Variants in CRTAC1 observed in about 807,000 individuals in gnomAD.
CRTAC1 encodes acidic secreted protein in cartilage.
In CRTAC1, 37 loss-of-function variants were observed where a neutral mutation model predicts 67.8. The ratio of observed to expected loss-of-function variants is 0.55; its 90% confidence interval spans 0.42 to 0.72. The LOEUF is 0.72. Among genes scored for constraint, CRTAC1 ranks in the 30% least tolerant of loss-of-function variants. The probability of loss-of-function intolerance (pLI) is 0.00; values close to 1 mark genes in which losing one functional copy is unlikely to be tolerated. For synonymous variants in CRTAC1, 348 were observed against 371.0 expected (o/e 0.94, Z 0.71); for missense variants, 780 against 931.6 (o/e 0.84, Z 2.12).
intron 2 of CRTAC1, among the ~76,000 whole-genome samples, chr10:97,936,567 C>T (rs968840367): frequency 4.6e-5 from 7 of 152,294 alleles, no homozygotes; most frequent in African/African-American, 1.2e-4. Context: ...ATTTTGCGCC[C>T]GGGCGCAGTG....
chr10:97,886,003 T>C (rs1005387072), intron 11 of CRTAC1, among the ~76,000 whole-genome samples: 10 of 152,212 alleles, frequency 6.6e-5, no homozygotes, highest in Non-Finnish European at 1.3e-4. Flanking sequence ...TACTATGGGG[T>C]GGACGGTAGT....
At chr10:97,964,150 T>TA (rs1418652281) in intron 2 of CRTAC1, among the ~76,000 whole-genome samples, 1 of 152,166 alleles carries the variant, frequency 6.6e-6, no homozygotes, top group African/African-American at 2.4e-5. Flanking sequence ...CAGAATGAGC[T>TA]ACTTGCTAAT....
At chr10:97,998,271 C>T (rs1469216505) in intron 2 of CRTAC1, among the ~76,000 whole-genome samples, 1 of 152,046 alleles carries the variant, frequency 6.6e-6, no homozygotes, top group Non-Finnish European at 1.5e-5. Context: ...CTGTTCCTGG[C>T]CAAGGAAAGA....
At chr10:98,019,026 G>A (rs375088275) in intron 1 of CRTAC1, among the ~76,000 whole-genome samples, 7 of 152,182 alleles carry the variant, frequency 4.6e-5, no homozygotes, top group African/African-American at 1.4e-4. Flanking sequence ...AGTACAGGGT[G>A]AGGGGTGCTG....
chr10:97,959,039 C>G (rs181708612), intron 2 of CRTAC1, among the ~76,000 whole-genome samples: 1 of 152,088 alleles, frequency 6.6e-6, no homozygotes, highest in Non-Finnish European at 1.5e-5. Context: ...AAAGAGCTGC[C>G]GGCCATTATG....
chr10:97,972,026 C>A (rs986687141), intron 2 of CRTAC1, among the ~76,000 whole-genome samples: 1 of 152,230 alleles, frequency 6.6e-6, no homozygotes, highest in East Asian at 1.9e-4. Context: ...GTCCCTCGCC[C>A]GGGAAACTTG....
intron 4 of CRTAC1, among the ~76,000 whole-genome samples, chr10:97,922,974 C>A (rs1271717936): frequency 1.3e-5 from 2 of 152,176 alleles, no homozygotes; most frequent in Admixed American, 1.3e-4. Context: ...CTGCTTTGGG[C>A]TCCCATGCAA....
chr10:97,997,987 T>C (rs2136680425), intron 2 of CRTAC1, among the ~76,000 whole-genome samples: 1 of 152,252 alleles, frequency 6.6e-6, no homozygotes, highest in East Asian at 1.9e-4. Context: ...GCTTTTTTTT[T>C]GAGACAGGGT....
At chr10:98,025,078 G>A (rs1843200665) in intron 1 of CRTAC1, among the ~76,000 whole-genome samples, 1 of 152,148 alleles carries the variant, frequency 6.6e-6, no homozygotes. Context: ...CTTGCTTGCA[G>A]TGTGATCCTG....
At chr10:97,950,250 G>C (rs867070109) in intron 2 of CRTAC1, among the ~76,000 whole-genome samples, 4,510 of 118,942 alleles carry the variant, frequency 0.038, 89 homozygotes, top group East Asian at 0.071. Context: ...CACACACAGA[G>C]AGAGAGAGAG....
chr10:97,900,730 C>G (rs780205665), intron 8 of CRTAC1, among the ~76,000 whole-genome samples: 115 of 114,126 alleles, frequency 1.0e-3, no homozygotes, highest in African/African-American at 3.5e-3. Flanking sequence ...AGTGATTGGA[C>G]CCCGTAGCCC....
At chr10:97,927,577 G>T (rs918327197) in intron 3 of CRTAC1, among the ~76,000 whole-genome samples, 5 of 152,170 alleles carry the variant, frequency 3.3e-5, no homozygotes, top group Middle Eastern at 3.2e-3. Flanking sequence ...CTGTGCTGTT[G>T]GCCTCTCCCC....
chr10:97,892,508 TC>T (rs1349242004), intron 11 of CRTAC1, among the ~76,000 whole-genome samples: 1 of 152,186 alleles, frequency 6.6e-6, no homozygotes, highest in Non-Finnish European at 1.5e-5. Context: ...GACCGTGGCG[TC>T]AGGGAGGTGG....
At chr10:97,875,323 T>C (rs1179983998) in intron 14 of CRTAC1, among the ~76,000 whole-genome samples, 2 of 152,270 alleles carry the variant, frequency 1.3e-5, no homozygotes, top group African/African-American at 2.4e-5. Context: ...TCTTGGCATA[T>C]GGCAGGCATT....
intron 11 of CRTAC1, among the ~76,000 whole-genome samples, chr10:97,886,546 A>G (rs889859751): frequency 2.6e-5 from 4 of 152,206 alleles, no homozygotes; most frequent in South Asian, 2.1e-4. Context: ...ATCAAGCAAG[A>G]AATTATTTCT....
chr10:97,941,368 T>G (rs2051173051), intron 2 of CRTAC1, among the ~76,000 whole-genome samples: 1 of 152,138 alleles, frequency 6.6e-6, no homozygotes, highest in Non-Finnish European at 1.5e-5. Context: ...GGGCATTCTC[T>G]TCTTTCTCTC....
chr10:97,968,189 G>A (rs988992452), intron 2 of CRTAC1, among the ~76,000 whole-genome samples: 5 of 152,340 alleles, frequency 3.3e-5, no homozygotes, highest in African/African-American at 1.2e-4. Context: ...GACATCTGAG[G>A]AAGTAATTCT....
intron 14 of CRTAC1, chr10:97,866,114 C>T (rs1398054164): frequency 5.7e-6 from 1 of 176,908 alleles, no homozygotes; most frequent in Non-Finnish European, 1.2e-5. Context: ...CCCATATCCA[C>T]CAGGACTCTT....
At chr10:98,011,039 G>C (rs958833842) in intron 2 of CRTAC1, 99 bp downstream of exon 2, 10 of 1,021,446 alleles carry the variant, frequency 9.8e-6, no homozygotes, top group Non-Finnish European at 1.5e-5. Flanking sequence ...GAGTGAGAAC[G>C]TATGTTGTTG....
Sources: gnomAD v4.1 joint callset for allele counts (sites outside exome capture counted in the v4.1 genomes callset) on GRCh38, gnomAD v4.1.1 for gene constraint, MANE v1.5 for transcripts, NCBI Gene and HGNC (gene_info 2026-07-23, HGNC 2026-07-21) for gene names.